HYOU1: variants seen among roughly 807,000 people sequenced by gnomAD.
HYOU1 encodes hypoxia up-regulated 1, also known as hypoxia up-regulated protein 1.
HYOU1 carries 40 observed loss-of-function variants against 120.5 expected under a neutral mutation model. The observed-to-expected ratio is 0.33, with a 90% confidence interval of 0.26 to 0.43. HYOU1 has a LOEUF of 0.43. Among genes scored for constraint, HYOU1 ranks in the 20% least tolerant of loss-of-function variants. The probability of loss-of-function intolerance (pLI) is 1.00; values close to 1 mark genes in which losing one functional copy is unlikely to be tolerated. For synonymous variants in HYOU1, 501 were observed against 479.4 expected (o/e 1.05, Z -0.59); for missense variants, 1,085 against 1,278.3 (o/e 0.85, Z 2.31).
Position 119,044,765 on chromosome 11 carries a change from T to C in HYOU1, c.*828A>G, listed in dbSNP as rs1370571951. ...GAGGAGGCAGGGAGTTACAGGAACCTGGGGTACCAGGCTGCTGGGAAGATG... is the reference window on the plus strand; with the variant it reads ...GAGGAGGCAGGGAGTTACAGGAACCCGGGGTACCAGGCTGCTGGGAAGATG... On this transcript the variant is annotated 3_prime_UTR_variant, in exon 26 of 26. Coordinates refer to ENST00000617285, the MANE Select transcript of HYOU1 (RefSeq NM_006389.5). 9.9e-6 allele frequency: 2 copies of C among 201,250 alleles called. No homozygotes were observed. The highest frequency in any genetic ancestry group is 8.5e-5 in the South Asian group (1 of 11,800). 12.5% of individuals were successfully genotyped at this position (201,250 alleles called of 1,614,324 possible). A position where few individuals can be genotyped will look rare whatever the true frequency, so the allele number is the denominator to read the frequency against.
rs1038941854 is a variant in HYOU1, at chr11:119,048,458, T to C, written c.2253+18A>G. ...GGTGTAAGCCCAGTGGGGGGGCTGC[T>C]GCCTCCTGCCCACTGACCTGGGTCT... On this transcript the variant is annotated intron_variant, in intron 19 of 25. Coordinates refer to ENST00000617285, the MANE Select transcript of HYOU1 (RefSeq NM_006389.5). The surrounding 1 kb of genome is among the most constrained non-coding windows in gnomAD (Gnocchi z 4.7). 4 of 1,613,474 alleles carry C rather than the reference T, an allele frequency of 2.5e-6. No homozygotes were observed. The highest frequency in any genetic ancestry group is 2.7e-5 in the African/African-American group (2 of 74,914).
At chr11:119,056,738 A>C (rs1434781725) in intron 1 of HYOU1, 1 of 245,108 alleles carries the variant, frequency 4.1e-6, no homozygotes, top group Non-Finnish European at 8.2e-6. Context: ...CCACAGACGC[A>C]GTGCCAGGGG....
At position 119,049,035 on chromosome 11, in the gene HYOU1, C is replaced by G; in HGVS notation, c.1975G>C (p.Asp659His). Residue 659 changes from aspartate to histidine, a missense_variant, in exon 17 of 26, where the codon GAC becomes CAC. By Grantham distance (81) the Asp-to-His change is moderately conservative. Around this residue, in one of 4 missense-constraint regions of HYOU1, gnomAD observed 516 missense variants for 517.1 expected, o/e 1.00. Coordinates refer to ENST00000617285, the MANE Select transcript of HYOU1 (RefSeq NM_006389.5). Reference protein sequence around the residue: ...GEKATEKENGDKSEAQKPSEK... With the variant: ...GEKATEKENGHKSEAQKPSEK... ...CAGCTCACCTGGGCCTCAGACTTGT[C>G]CCCATTTTCTTTTTCTGTGGCCTTT... 2 of 1,614,192 alleles carry G rather than the reference C, an allele frequency of 1.2e-6. No homozygotes were observed. Among genetic ancestry groups the G allele is most frequent in the Non-Finnish European group, 1.7e-6 (2 of 1,180,022 alleles).
At position 119,052,484 on chromosome 11, in the gene HYOU1, T is replaced by C. The variant is rs1466084595; in HGVS notation, c.988-55A>G. 6.2e-7 allele frequency: 1 copy of C among 1,611,814 alleles called. No homozygotes were observed. The highest frequency in any genetic ancestry group is 8.5e-7 in the Non-Finnish European group (1 of 1,178,740). Reference sequence around the variant, plus strand: ...TCTTGCCCAGCTCCCGCTCTCTTGGTGAGTAGGACAGAAACAAAAAGAATA... The same window carrying C: ...TCTTGCCCAGCTCCCGCTCTCTTGGCGAGTAGGACAGAAACAAAAAGAATA... On this transcript the variant is annotated intron_variant, in intron 9 of 25. Coordinates refer to ENST00000617285, the MANE Select transcript of HYOU1 (RefSeq NM_006389.5). This position sits in a 1 kb window ranked among gnomAD's most constrained non-coding sequence, Gnocchi z 5.0.
At chr11:119,049,521 T>G (rs2133573618) in intron 16 of HYOU1, 35 bp downstream of exon 16, 9 of 1,608,070 alleles carry the variant, frequency 5.6e-6, no homozygotes, top group Non-Finnish European at 6.8e-6. Context: ...TCCCCCACCG[T>G]CCTCCATGCT....
At chr11:119,049,387 G>T in intron 16 of HYOU1, 169 bp downstream of exon 16, 1 of 1,564,200 alleles carries the variant, frequency 6.4e-7, no homozygotes, top group East Asian at 2.4e-5. Flanking sequence ...TGAGGGGAAT[G>T]GGCCTTGGGA....
At position 119,055,836 on chromosome 11, in the gene HYOU1, C is replaced by T. The variant is rs1203118127; in HGVS notation, c.99G>A (p.Leu33=). The T allele has an allele frequency of 6.2e-7, 1 of 1,613,718 alleles. No homozygotes were observed. Among genetic ancestry groups the T allele is most frequent in the Non-Finnish European group, 8.5e-7 (1 of 1,179,704 alleles). ...LADLLALSDT[L]AVMSVDLGSE... ...TGCCCAGGTCCACAGACATCACTGC[C>T]AGTGTATCTGAAGGGAAAAGAGGTT... Residue 33 remains leucine (L), a synonymous_variant, in exon 3 of 26, where the codon CTG becomes CTA. Coordinates refer to ENST00000617285, the MANE Select transcript of HYOU1 (RefSeq NM_006389.5). The surrounding 1 kb of genome is among the most constrained non-coding windows in gnomAD (Gnocchi z 4.0).
chr11:119,048,350 C>T lies in HYOU1; in HGVS notation c.2274G>A (p.Glu758=), dbSNP rs2133563043. 1.5e-5 allele frequency: 24 copies of T among 1,609,612 alleles called. No homozygotes were observed. The East Asian group carries it at 4.7e-4, about 31-fold the overall frequency. ...GCTCCTCTGTGGACACTTCCTGGTA[C>T]TCGGGCTGGTACAGCTTGTCCTGGG... is the stretch of plus-strand genomic sequence containing the variant. ...FETQDKLYQP[E]YQEVSTEEQR... Residue 758 remains glutamate, a synonymous_variant, in exon 20 of 26, where the codon GAG becomes GAA. Transcript: ENST00000617285. The surrounding 1 kb of genome is among the most constrained non-coding windows in gnomAD (Gnocchi z 4.7).
chr11:119,047,497 A>G (rs1156923427), intron 22 of HYOU1: 2 of 486,684 alleles, frequency 4.1e-6, no homozygotes, highest in Non-Finnish European at 3.7e-6. Context: ...CAGCCCCTCA[A>G]AGCAGCTTTC....
chr11:119,046,259 C>A (rs1944063439), intron 24 of HYOU1, among the ~76,000 whole-genome samples, 158 bp downstream of exon 24: 1 of 142,348 alleles, frequency 7.0e-6, no homozygotes, highest in Admixed American at 7.0e-5. Context: ...AGCCACCGTG[C>A]CTGGCCTTTT....
intron 22 of HYOU1, 119 bp from the exon 23 acceptor site, chr11:119,046,921 C>G (rs1349547245): frequency 8.9e-6 from 12 of 1,341,748 alleles, no homozygotes; most frequent in Non-Finnish European, 9.1e-6. Flanking sequence ...ACTGCCACCC[C>G]TGGCCTCAGC....
At chr11:119,054,352 C>T in intron 7 of HYOU1, 116 bp from the exon 8 acceptor site, 2 of 1,200,260 alleles carry the variant, frequency 1.7e-6, no homozygotes, top group Non-Finnish European at 2.4e-6. Flanking sequence ...CTAAACAGCT[C>T]CAACAGGGGC....
Position 119,052,047 on chromosome 11 carries a change from C to T in HYOU1, c.1205+43G>A. On this transcript the variant is annotated intron_variant, in intron 11 of 25. Transcript: ENST00000617285. This position sits in a 1 kb window ranked among gnomAD's most constrained non-coding sequence, Gnocchi z 5.0. The stretch of plus-strand genomic sequence containing the variant: ...TCCAGCTGCTCAGCCCAAAGCCCTG[C>T]CCCAGGCAGAACTCAGCCAAGCGCT... 5.0e-6 allele frequency: 8 copies of T among 1,613,844 alleles called. No individual in the cohort carries two copies. Among genetic ancestry groups the T allele is most frequent in the Non-Finnish European group, 6.8e-6 (8 of 1,179,812 alleles).
chr11:119,049,799 T>C lies in HYOU1; in HGVS notation c.1704A>G (p.Ala568=), dbSNP rs1159116843. 1 of 1,614,146 alleles carries C rather than the reference T, an allele frequency of 6.2e-7. No individual in the cohort carries two copies. The highest frequency in any genetic ancestry group is 8.5e-7 in the Non-Finnish European group (1 of 1,179,976). The part of the protein sequence containing the change: ...SVFETLVEDS[A]EEESTLTKLG... ...TACTGGTGAGAGTAGATTCCTCTTC[T>C]GCGCTGTCCTCTACCAGTGTCTCAA... Residue 568 remains alanine, a synonymous_variant, in exon 15 of 26, where the codon GCA becomes GCG. Coordinates refer to ENST00000617285, the MANE Select transcript of HYOU1 (RefSeq NM_006389.5).
At chr11:119,056,746 G>A (rs572638219) in intron 1 of HYOU1, 1 of 229,280 alleles carries the variant, frequency 4.4e-6, no homozygotes. Context: ...GCAGTGCCAG[G>A]GGCGGTAAGG....
At position 119,056,022 on chromosome 11, in the gene HYOU1, T is replaced by A; in HGVS notation, c.91+48A>T. On this transcript the variant is annotated intron_variant, in intron 2 of 25. Transcript: ENST00000617285. ...CCCCAAGCTCAATTCCCATCATGCA[T>A]CCTTCAGTCATCATTTATCCATTTG... The A allele has an allele frequency of 7.9e-6, 12 of 1,527,724 alleles. No individual in the cohort carries two copies. The South Asian group carries it at 1.1e-4, about 14-fold the overall frequency. The allele number at this position is 1,527,724 out of a possible 1,614,324, so 94.6% of individuals were successfully genotyped here. A position where few individuals can be genotyped will look rare whatever the true frequency, so the allele number is the denominator to read the frequency against.
Position 119,055,565 on chromosome 11 carries a change from A to G in HYOU1, c.192T>C (p.Ser64=), listed in dbSNP as rs2133614289. Residue 64 remains serine (S), a synonymous_variant, in exon 4 of 26, where the codon TCT becomes TCC. Coordinates refer to ENST00000617285, the MANE Select transcript of HYOU1 (RefSeq NM_006389.5). The surrounding 1 kb of genome is among the most constrained non-coding windows in gnomAD (Gnocchi z 4.0). ...VPMEIVLNKE[S]RRKTPVIVTL... ...TCACGATCACCGGTGTTTTCCTCCGAGATTCCCTGAGGAAAAGAGATTTTG... is the reference window on the plus strand; with the variant it reads ...TCACGATCACCGGTGTTTTCCTCCGGGATTCCCTGAGGAAAAGAGATTTTG... 1.2e-6 allele frequency: 2 copies of G among 1,613,974 alleles called. No homozygotes were observed. Among genetic ancestry groups the G allele is most frequent in the South Asian group, 2.2e-5 (2 of 91,068 alleles).
At position 119,055,146 on chromosome 11, in the gene HYOU1, C is replaced by A. The variant is rs1222832740; in HGVS notation, c.419+39G>T. On this transcript the variant is annotated intron_variant, in intron 5 of 25. Transcript: ENST00000617285. This position sits in a 1 kb window ranked among gnomAD's most constrained non-coding sequence, Gnocchi z 4.0. Reference sequence around the variant, plus strand: ...GAACACACACCAATGAGGAGCCCAGCAGCGTTGCCGAGACCACCTTCCCCA... The same window carrying A: ...GAACACACACCAATGAGGAGCCCAGAAGCGTTGCCGAGACCACCTTCCCCA... 2.5e-6 allele frequency: 4 copies of A among 1,611,786 alleles called. No homozygotes were observed. Among genetic ancestry groups the A allele is most frequent in the South Asian group, 1.1e-5 (1 of 90,958 alleles).
Position 119,051,510 on chromosome 11 carries a change from T to C in HYOU1, c.1454A>G (p.Asn485Ser). The C allele has an allele frequency of 6.2e-7, 1 of 1,614,090 alleles. No homozygotes were observed. Among genetic ancestry groups the C allele is most frequent in the Non-Finnish European group, 8.5e-7 (1 of 1,180,018 alleles). Reference protein sequence around the residue: ...PYPQRKVITFNRYSHDFNFHI... With the variant: ...PYPQRKVITFSRYSHDFNFHI... ...GAAGTTGAAATCATGGCTGTAGCGGTTAAAGGTGATGACTTTGCGTTGAGG... is the reference window on the plus strand; with the variant it reads ...GAAGTTGAAATCATGGCTGTAGCGGCTAAAGGTGATGACTTTGCGTTGAGG... Residue 485 changes from asparagine (N) to serine (S), a missense_variant, in exon 13 of 26, where the codon AAC (asparagine) becomes AGC (serine). Around this residue, in one of 4 missense-constraint regions of HYOU1, gnomAD observed 515 missense variants for 677.8 expected, o/e 0.76. Coordinates refer to ENST00000617285, the MANE Select transcript of HYOU1 (RefSeq NM_006389.5). The surrounding 1 kb of genome is among the most constrained non-coding windows in gnomAD (Gnocchi z 4.2).
Sources: gnomAD v4.1 joint callset for allele counts (sites outside exome capture counted in the v4.1 genomes callset) on GRCh38, gnomAD v4.1.1 for gene constraint, gnomAD v4.1.1 regional missense constraint, Gnocchi (gnomAD v3.1) non-coding constraint, MANE v1.5 for transcripts, NCBI Gene and HGNC (gene_info 2026-07-23, HGNC 2026-07-21) for gene names.